WDFY2: variants seen among roughly 807,000 people sequenced by gnomAD.
WDFY2 encodes WD repeat and FYVE domain-containing protein 2.
In WDFY2, 36 loss-of-function variants were observed where a neutral mutation model predicts 56.4. That is an observed-to-expected ratio of 0.64 (90% confidence interval 0.49 to 0.84). WDFY2 has a LOEUF of 0.84. WDFY2 is among the 40% of genes least tolerant of loss of function. The pLI is 0.00. For synonymous variants in WDFY2, 176 were observed against 183.7 expected (o/e 0.96, Z 0.34); for missense variants, 444 against 512.2 (o/e 0.87, Z 1.29).
chr13:51,619,475 C>G (rs1402138813), intron 1 of WDFY2, among the ~76,000 whole-genome samples: 1 of 151,656 alleles, frequency 6.6e-6, no homozygotes, highest in African/African-American at 2.4e-5. Flanking sequence ...CAGAAGGTAT[C>G]AGAAGATATT....
chr13:51,715,259 C>T (rs1952318222), intron 4 of WDFY2, among the ~76,000 whole-genome samples: 2 of 152,292 alleles, frequency 1.3e-5, no homozygotes, highest in African/African-American at 4.8e-5. Flanking sequence ...ATTTTTTCAG[C>T]TTTTCAACTT....
intron 1 of WDFY2, among the ~76,000 whole-genome samples, chr13:51,622,750 G>A (rs1449344599): frequency 6.6e-6 from 1 of 151,924 alleles, no homozygotes; most frequent in African/African-American, 2.4e-5. Context: ...CAGGGAGGTA[G>A]GTAAGTAAAT....
Position 51,765,963 on chromosome 13 carries a change from T to C in WDFY2, c.*6194T>C, listed in dbSNP as rs1006314449. 7.9e-5 allele frequency: 12 copies of C among 152,306 alleles called. No individual in the cohort carries two copies. The highest frequency in any genetic ancestry group is 1.0e-4 in the Non-Finnish European group (7 of 68,022). 9.4% of individuals were successfully genotyped at this position (152,306 alleles called of 1,614,324 possible). A position where few individuals can be genotyped will look rare whatever the true frequency, so the allele number is the denominator to read the frequency against. On this transcript the variant is annotated 3_prime_UTR_variant, in exon 12 of 12. Transcript: ENST00000298125. ...ATTGAGAATCTGACCTTGTTACTTA[T>C]GATTCTTTTTTCCCTTGGTTCTCGG... is the stretch of plus-strand genomic sequence containing the variant.
intron 1 of WDFY2, among the ~76,000 whole-genome samples, chr13:51,618,581 A>G (rs1453407187): frequency 1.3e-5 from 2 of 152,228 alleles, no homozygotes; most frequent in Non-Finnish European, 2.9e-5. Context: ...GAATCTTGAA[A>G]ATGATTAGTG....
chr13:51,706,483 G>A (rs979661487), intron 4 of WDFY2, among the ~76,000 whole-genome samples: 7 of 152,162 alleles, frequency 4.6e-5, no homozygotes, highest in African/African-American at 1.7e-4. Flanking sequence ...ATAAAGGACT[G>A]TACCCCCATA....
At chr13:51,735,687 GCT>G (rs1952819488) in intron 6 of WDFY2, among the ~76,000 whole-genome samples, 1 of 152,110 alleles carries the variant, frequency 6.6e-6, no homozygotes, top group Admixed American at 6.6e-5. Context: ...CATAGAAGAG[GCT>G]CAATACATGC....
intron 1 of WDFY2, among the ~76,000 whole-genome samples, chr13:51,629,826 C>CTTTTTT (rs11432630): frequency 3.3e-3 from 408 of 124,258 alleles, no homozygotes; most frequent in Middle Eastern, 8.6e-3. Flanking sequence ...TCTTTCTTTT[C>CTTTTTT]TTTTTTTTTT....
intron 7 of WDFY2, among the ~76,000 whole-genome samples, chr13:51,740,793 C>G (rs1952954041): frequency 6.6e-6 from 1 of 151,694 alleles, no homozygotes; most frequent in African/African-American, 2.4e-5. Flanking sequence ...TTCCTGCCAA[C>G]TTGGACTCTC....
chr13:51,661,855 G>A (rs1434706757), intron 2 of WDFY2, among the ~76,000 whole-genome samples: 4 of 152,030 alleles, frequency 2.6e-5, no homozygotes, highest in Non-Finnish European at 5.9e-5. Flanking sequence ...AGATACTGTC[G>A]TACATTACAG....
At chr13:51,718,102 C>T (rs1422744223) in intron 4 of WDFY2, among the ~76,000 whole-genome samples, 1 of 152,206 alleles carries the variant, frequency 6.6e-6, no homozygotes, top group African/African-American at 2.4e-5. Context: ...CGCATTTGTC[C>T]ATCCATACTG....
chr13:51,725,271 A>G (rs1471890443), intron 5 of WDFY2, among the ~76,000 whole-genome samples: 1 of 152,202 alleles, frequency 6.6e-6, no homozygotes, highest in Non-Finnish European at 1.5e-5. Context: ...ACTGAATGAG[A>G]TTTTAGATTT....
chr13:51,584,854 AGG>A, intron 1 of WDFY2, 30 bp downstream of exon 1: 1 of 1,610,538 alleles, frequency 6.2e-7, no homozygotes, highest in Non-Finnish European at 8.5e-7. Flanking sequence ...GGCCGCGAGG[AGG>A]GGCGGGACGG....
intron 6 of WDFY2, among the ~76,000 whole-genome samples, chr13:51,730,818 C>G (rs1952707005): frequency 6.6e-6 from 1 of 152,128 alleles, no homozygotes; most frequent in Non-Finnish European, 1.5e-5. Flanking sequence ...GAGCATGGCT[C>G]TCTAGAGAAC....
chr13:51,729,520 C>G (rs187594796), intron 6 of WDFY2, among the ~76,000 whole-genome samples: 1 of 151,516 alleles, frequency 6.6e-6, no homozygotes, highest in African/African-American at 2.4e-5. Flanking sequence ...AGGAGAGCTG[C>G]CTTCCTCCAG....
intron 2 of WDFY2, among the ~76,000 whole-genome samples, chr13:51,668,023 C>G (rs913744080): frequency 3.3e-5 from 5 of 150,904 alleles, no homozygotes; most frequent in African/African-American, 1.2e-4. Context: ...TCCCAAGTAG[C>G]TGGGACTACA....
chr13:51,757,287 G>C (rs1214547998), intron 10 of WDFY2, among the ~76,000 whole-genome samples: 1 of 152,118 alleles, frequency 6.6e-6, no homozygotes, highest in Non-Finnish European at 1.5e-5. Context: ...TTGAATTAGA[G>C]AGTGCAAGAG....
Position 51,590,144 on chromosome 13 carries a change from A to G in WDFY2, c.137+5320A>G, listed in dbSNP as rs944795667. ...GTCCAGGACCTCACAGATCTTAATC[A>G]GTATATATTCATCCACATATTGCAA... On this transcript the variant is annotated intron_variant, in intron 1 of 11. Coordinates refer to ENST00000298125, the MANE Select transcript of WDFY2 (RefSeq NM_052950.4). 7 of 152,298 alleles carry G rather than the reference A, an allele frequency of 4.6e-5. No individual in the cohort carries two copies. In the East Asian group the frequency reaches 1.2e-3, roughly 25 times the overall value. 9.4% of individuals were successfully genotyped at this position (152,298 alleles called of 1,614,324 possible).
chr13:51,690,151 A>G (rs920669137), intron 3 of WDFY2, among the ~76,000 whole-genome samples: 1 of 150,114 alleles, frequency 6.7e-6, no homozygotes, highest in Admixed American at 6.7e-5. Flanking sequence ...ATGAATTAAT[A>G]TTTAAAAAAT....
intron 3 of WDFY2, among the ~76,000 whole-genome samples, chr13:51,692,405 G>C (rs923763533): frequency 3.3e-5 from 5 of 152,080 alleles, no homozygotes; most frequent in Non-Finnish European, 2.9e-5. Flanking sequence ...TAGCATGAAG[G>C]GCTGTTGAAT....
Sources: allele counts gnomAD v4.1 joint callset (sites outside exome capture counted in the v4.1 genomes callset), GRCh38; gene constraint gnomAD v4.1.1; transcripts MANE v1.5; gene names NCBI Gene and HGNC (gene_info 2026-07-23, HGNC 2026-07-21).